ARB2A: variants seen among roughly 807,000 people sequenced by gnomAD.
ARB2A encodes the protein ARB2 cotranscriptional regulator A, also known as cotranscriptional regulator ARB2A.
At chr5:93,677,886 GTGCTACTT>G in the ARB2A span, among the ~76,000 whole-genome samples, 1 of 152,192 alleles carries the variant, frequency 6.6e-6, no homozygotes, top group South Asian at 2.1e-4. Context: ...GGGGATCTCA[GTGCTACTT>G]CTACCTCTTA....
At chr5:93,744,376 A>G in the ARB2A span, among the ~76,000 whole-genome samples, 661 of 133,314 alleles carry the variant, frequency 5.0e-3, 6 homozygotes, top group African/African-American at 0.018. Flanking sequence ...CGGAGGTTGC[A>G]GTGTGCCGAG....
the ARB2A span, among the ~76,000 whole-genome samples, chr5:93,811,861 T>C: frequency 3.3e-5 from 5 of 152,166 alleles, no homozygotes; most frequent in Non-Finnish European, 7.4e-5. Flanking sequence ...TCATAAATCC[T>C]AGTTCTATTT....
At chr5:93,915,828 G>T in the ARB2A span, among the ~76,000 whole-genome samples, 4 of 151,996 alleles carry the variant, frequency 2.6e-5, no homozygotes, top group Admixed American at 1.3e-4. Flanking sequence ...ACTTCATGTT[G>T]GGTAGCAAGA....
the ARB2A span, among the ~76,000 whole-genome samples, chr5:93,799,060 T>A: frequency 1.3e-5 from 2 of 152,160 alleles, no homozygotes; most frequent in Non-Finnish European, 2.9e-5. Flanking sequence ...GAAACATTCA[T>A]CTTTGTCAGA....
At chr5:93,849,502 T>C in the ARB2A span, among the ~76,000 whole-genome samples, 2 of 152,178 alleles carry the variant, frequency 1.3e-5, no homozygotes, top group African/African-American at 4.8e-5. Context: ...ATCTTCTACT[T>C]GATGAATATT....
At chr5:93,835,391 T>A in the ARB2A span, among the ~76,000 whole-genome samples, 1 of 152,240 alleles carries the variant, frequency 6.6e-6, no homozygotes, top group Non-Finnish European at 1.5e-5. Flanking sequence ...TTCTGAACCA[T>A]TGCCAAATTT....
the ARB2A span, among the ~76,000 whole-genome samples, chr5:93,800,311 T>C: frequency 6.6e-6 from 1 of 151,890 alleles, no homozygotes; most frequent in East Asian, 1.9e-4. Flanking sequence ...GAATACTTTA[T>C]TTAAATTACT....
At chr5:93,976,323 CA>C in the ARB2A span, among the ~76,000 whole-genome samples, 2 of 152,046 alleles carry the variant, frequency 1.3e-5, no homozygotes, top group African/African-American at 4.8e-5. Flanking sequence ...ACCGTACAGG[CA>C]AAAGTTAGAA....
chr5:93,940,624 T>C, the ARB2A span, among the ~76,000 whole-genome samples: 1 of 152,026 alleles, frequency 6.6e-6, no homozygotes, highest in African/African-American at 2.4e-5. Flanking sequence ...AAAAAAATAG[T>C]ATCAGAAGCA....
the ARB2A span, among the ~76,000 whole-genome samples, chr5:93,960,979 ATTC>A: frequency 6.6e-6 from 1 of 152,124 alleles, no homozygotes; most frequent in African/African-American, 2.4e-5. Context: ...AAGAAGAAAA[ATTC>A]CCTTTTACCT....
chr5:93,769,887 G>C, the ARB2A span, among the ~76,000 whole-genome samples: 1 of 152,154 alleles, frequency 6.6e-6, no homozygotes, highest in Non-Finnish European at 1.5e-5. Context: ...ATCCCACAGG[G>C]AATGAAAAGT....
At chr5:93,852,335 T>C in the ARB2A span, among the ~76,000 whole-genome samples, 2 of 152,216 alleles carry the variant, frequency 1.3e-5, no homozygotes, top group Non-Finnish European at 2.9e-5. Context: ...TTGGAGTTCA[T>C]TATAGATTCT....
chr5:94,017,050 A>G, the ARB2A span, among the ~76,000 whole-genome samples: 1 of 152,206 alleles, frequency 6.6e-6, no homozygotes, highest in Non-Finnish European at 1.5e-5. Flanking sequence ...CCACTTTGGA[A>G]GAATATGAGA....
the ARB2A span, among the ~76,000 whole-genome samples, chr5:93,796,349 G>A: frequency 6.6e-6 from 1 of 152,134 alleles, no homozygotes; most frequent in Non-Finnish European, 1.5e-5. Context: ...TTATGAAGCT[G>A]AAATGGTATA....
the ARB2A span, among the ~76,000 whole-genome samples, chr5:94,010,771 ATT>A: frequency 1.3e-5 from 2 of 152,196 alleles, no homozygotes; most frequent in South Asian, 4.1e-4. Flanking sequence ...AATTATTATT[ATT>A]TTAATGGTAG....
At chr5:93,717,153 G>C in the ARB2A span, among the ~76,000 whole-genome samples, 12 of 152,216 alleles carry the variant, frequency 7.9e-5, no homozygotes, top group South Asian at 2.5e-3. Flanking sequence ...TTGAGCAAAT[G>C]CTTTAAAGTA....
chr5:93,951,685 T>C, the ARB2A span, among the ~76,000 whole-genome samples: 1 of 152,186 alleles, frequency 6.6e-6, no homozygotes, highest in Non-Finnish European at 1.5e-5. Context: ...GGTTGATGTG[T>C]CTGTTTTTAT....
the ARB2A span, chr5:93,910,887 A>C: frequency 6.6e-6 from 1 of 151,574 alleles, no homozygotes; most frequent in Admixed American, 6.6e-5. Context: ...TCAGAATCAT[A>C]TGTATTCAGC....
the ARB2A span, among the ~76,000 whole-genome samples, chr5:94,070,857 A>G: frequency 6.6e-6 from 1 of 152,104 alleles, no homozygotes; most frequent in Non-Finnish European, 1.5e-5. Context: ...AAAACCTGTG[A>G]CAATGAGAAA....
Sources: allele counts gnomAD v4.1 joint callset (sites outside exome capture counted in the v4.1 genomes callset), GRCh38; gene constraint gnomAD v4.1.1; transcripts MANE v1.5; gene names NCBI Gene and HGNC (gene_info 2026-07-23, HGNC 2026-07-21).